Variants in ATP2B1 observed in about 807,000 individuals in gnomAD.
The protein encoded by ATP2B1 is plasma membrane calcium-transporting ATPase 1.
Under a neutral mutation model 124.2 loss-of-function variants are expected in ATP2B1, and 14 were observed. The ratio of observed to expected loss-of-function variants is 0.11; its 90% CI spans 0.07 to 0.18. The LOEUF (loss-of-function observed/expected upper bound fraction) is 0.18, where lower values mean the gene tolerates loss of function less well. Among genes scored for constraint, ATP2B1 ranks in the 10% least tolerant of loss-of-function variants. The probability of loss-of-function intolerance (pLI) is 1.00; values close to 1 mark genes in which losing one functional copy is unlikely to be tolerated. For missense variants in ATP2B1, 763 were observed against 1,466.1 expected (o/e 0.52, Z 7.83); for synonymous variants, 449 against 492.4 (o/e 0.91, Z 1.17).
intron 2 of ATP2B1, among the ~76,000 whole-genome samples, chr12:89,652,410 T>C (rs752047029): frequency 2.9e-4 from 44 of 152,198 alleles, no homozygotes; most frequent in Non-Finnish European, 1.5e-4. Context: ...AAAGTATATG[T>C]CAATGAATGA....
At chr12:89,688,918 C>T (rs537268812) in intron 1 of ATP2B1, among the ~76,000 whole-genome samples, 2 of 152,094 alleles carry the variant, frequency 1.3e-5, no homozygotes, top group African/African-American at 2.4e-5. Flanking sequence ...TAGGGCTAAT[C>T]GTATCTTTTG....
At chr12:89,604,494 T>C in intron 15 of ATP2B1, 148 bp from the exon 16 acceptor site, 1 of 586,682 alleles carries the variant, frequency 1.7e-6, no homozygotes. Flanking sequence ...AACAGAGTTA[T>C]TCTAAGATAT....
chr12:89,591,350 A>G (rs1172847839), intron 20 of ATP2B1, 55 bp from the exon 21 acceptor site: 2 of 1,480,090 alleles, frequency 1.4e-6, no homozygotes, highest in Non-Finnish European at 1.8e-6. Flanking sequence ...CAACTTAAAA[A>G]TGGTTCATTT....
intron 1 of ATP2B1, among the ~76,000 whole-genome samples, chr12:89,694,410 C>A (rs561171634): frequency 6.6e-6 from 1 of 152,244 alleles, no homozygotes; most frequent in Admixed American, 6.5e-5. Context: ...ATCCCCCAAA[C>A]CACTCAAAGT....
At chr12:89,661,758 GT>G (rs144517426) in intron 1 of ATP2B1, among the ~76,000 whole-genome samples, 1 of 152,058 alleles carries the variant, frequency 6.6e-6, no homozygotes, top group Non-Finnish European at 1.5e-5. Context: ...CTTTGTGTGT[GT>G]TTTTTTCTGT....
At chr12:89,658,639 G>GAGAGAGAGAGAGAGAGAGAGAT (rs1565882720) in intron 1 of ATP2B1, among the ~76,000 whole-genome samples, 1 of 150,664 alleles carries the variant, frequency 6.6e-6, no homozygotes, top group African/African-American at 2.5e-5. Context: ...GAGAGAGAGA[G>GAGAGAGAGAGAGAGAGAGAGAT]AGAGAGAGAT....
chr12:89,683,638 A>G (rs943288331), intron 1 of ATP2B1, among the ~76,000 whole-genome samples: 10 of 152,210 alleles, frequency 6.6e-5, no homozygotes, highest in Non-Finnish European at 1.3e-4. Flanking sequence ...TGAAAGTTCC[A>G]GACAGTGTAG....
intron 20 of ATP2B1, among the ~76,000 whole-genome samples, chr12:89,595,273 A>G (rs1424352903): frequency 1.3e-5 from 2 of 152,046 alleles, no homozygotes; most frequent in African/African-American, 2.4e-5. Context: ...TTGGCCCATA[A>G]GCTGTAGTTT....
chr12:89,597,921 G>A (rs554375413), intron 20 of ATP2B1, among the ~76,000 whole-genome samples: 1 of 151,080 alleles, frequency 6.6e-6, no homozygotes. Context: ...TATCTATGAT[G>A]CAATTTTTAA....
intron 1 of ATP2B1, among the ~76,000 whole-genome samples, chr12:89,664,437 A>G (rs1422434214): frequency 6.6e-6 from 1 of 152,242 alleles, no homozygotes; most frequent in Non-Finnish European, 1.5e-5. Context: ...AGTTGGTATC[A>G]TCTTATCCCA....
intron 20 of ATP2B1, chr12:89,594,927 A>C (rs557158048): frequency 1.3e-5 from 2 of 152,106 alleles, no homozygotes; most frequent in East Asian, 1.9e-4. Context: ...TTCTATGTGC[A>C]CTAACTTAAA....
Position 89,590,776 on chromosome 12 carries a change from A to G in ATP2B1, c.*208T>C. 1 of 529,396 alleles carries G rather than the reference A, an allele frequency of 1.9e-6. No individual in the cohort carries two copies. Among genetic ancestry groups the G allele is most frequent in the South Asian group, 2.3e-5 (1 of 43,760 alleles). The allele number at this position is 529,396 out of a possible 1,614,324, so 32.8% of individuals were successfully genotyped here. Reference sequence around the variant, plus strand: ...TGAGTTACTGTTTATCTGTCAGTTCATTTCTCCCACCCCCCAAAAAGCACC... The same window carrying G: ...TGAGTTACTGTTTATCTGTCAGTTCGTTTCTCCCACCCCCCAAAAAGCACC... On this transcript the variant is annotated 3_prime_UTR_variant, in exon 21 of 21. Coordinates refer to ENST00000428670, the MANE Select transcript of ATP2B1 (RefSeq NM_001366521.1).
intron 1 of ATP2B1, among the ~76,000 whole-genome samples, chr12:89,658,230 T>C (rs1444703316): frequency 1.3e-5 from 2 of 152,186 alleles, no homozygotes; most frequent in Admixed American, 1.3e-4. Context: ...AAGAGGAATT[T>C]TCCTCAACAA....
intron 1 of ATP2B1, among the ~76,000 whole-genome samples, chr12:89,690,207 G>T (rs1394833861): frequency 6.6e-6 from 1 of 151,916 alleles, no homozygotes; most frequent in Non-Finnish European, 1.5e-5. Flanking sequence ...TTTCTACCAA[G>T]AATTAACTTA....
intron 12 of ATP2B1, chr12:89,612,177 A>G (rs1565817101): frequency 1.3e-5 from 2 of 152,022 alleles, no homozygotes; most frequent in Non-Finnish European, 2.9e-5. Context: ...TTGATGGTAG[A>G]GTTTTTTATT....
chr12:89,655,688 G>A lies in ATP2B1; in HGVS notation c.199C>T (p.Pro67Ser). The change falls in exon 2 of 21, where the codon CCC becomes TCC. Residue 67 changes from proline (P) to serine (S), a missense_variant. Coordinates refer to ENST00000428670, the MANE Select transcript of ATP2B1 (RefSeq NM_001366521.1). ...GCATAATAAAACTCACCTTCATTGG[G>A]AGATGTTTTCAATTTGGTGCAAATT... ...YGICTKLKTS[P>S]NEGLSGNPAD... 1 of 1,613,862 alleles carries A rather than the reference G, an allele frequency of 6.2e-7. No homozygotes were observed. Among genetic ancestry groups the A allele is most frequent in the Non-Finnish European group, 8.5e-7 (1 of 1,179,838 alleles).
rs1257548271 is a variant in ATP2B1, at chr12:89,621,908, C to A, written c.1345-117G>T. On this transcript the variant is annotated intron_variant, in intron 9 of 20. Transcript: ENST00000428670. ...GAAAACTCCCAGCTTTCTATAAATA[C>A]AATGTATAAAGTACCAATGTAATAC... 9.0e-6 allele frequency: 10 copies of A among 1,107,946 alleles called. No homozygotes were observed. In the East Asian group the frequency reaches 2.2e-4, roughly 25 times the overall value. The allele number at this position is 1,107,946 out of a possible 1,614,324, so 68.6% of individuals were successfully genotyped here.
chr12:89,684,211 G>A (rs1418810850), intron 1 of ATP2B1, among the ~76,000 whole-genome samples: 6 of 152,166 alleles, frequency 3.9e-5, no homozygotes, highest in African/African-American at 1.2e-4. Flanking sequence ...GAGCAGGGAC[G>A]GGAAAGTAGA....
Position 89,611,213 on chromosome 12 carries a change from T to C in ATP2B1, c.2227A>G (p.Ile743Val). Reference protein sequence around the residue: ...CLEGKDFNRRIRNEKGEIEQE... With the variant: ...CLEGKDFNRRVRNEKGEIEQE... ...TTTACCTCTCCTTTTTCATTTCGTATTCTTCTGTTAAAATCTTTACCTTCT... is the reference window on the plus strand; with the variant it reads ...TTTACCTCTCCTTTTTCATTTCGTACTCTTCTGTTAAAATCTTTACCTTCT... Residue 743 changes from isoleucine to valine, a missense_variant, in exon 13 of 21, where the codon ATA (isoleucine) becomes GTA (valine). This residue lies in a region of ATP2B1 where 392 missense variants were observed against 776.6 expected (regional missense o/e 0.50). Transcript: ENST00000428670. 6.3e-7 allele frequency: 1 copy of C among 1,589,054 alleles called. No homozygotes were observed. The highest frequency in any genetic ancestry group is 8.5e-7 in the Non-Finnish European group (1 of 1,173,668).
Sources: allele counts gnomAD v4.1 joint callset (sites outside exome capture counted in the v4.1 genomes callset), GRCh38; gene constraint gnomAD v4.1.1; regional missense constraint gnomAD v4.1.1; transcripts MANE v1.5; gene names NCBI Gene and HGNC (gene_info 2026-07-23, HGNC 2026-07-21).